STK33: variants seen among roughly 807,000 people sequenced by gnomAD.
The protein encoded by STK33 is serine/threonine-protein kinase 33.
Under a neutral mutation model 58.0 loss-of-function variants are expected in STK33, and 52 were observed. The observed-to-expected ratio is 0.90, with a 90% CI of 0.72 to 1.13. The LOEUF is 1.13. STK33 is among the 50% of genes most tolerant of loss of function. The pLI is 0.00. For synonymous variants in STK33, 215 were observed against 200.1 expected (o/e 1.07, Z -0.63); for missense variants, 630 against 604.2 (o/e 1.04, Z -0.45).
intron 1 of STK33, among the ~76,000 whole-genome samples, chr11:8,545,358 A>G (rs1449874233): frequency 6.6e-6 from 1 of 152,238 alleles, no homozygotes; most frequent in African/African-American, 2.4e-5. Context: ...TAGAAATGAC[A>G]GCACCATTTA....
At chr11:8,346,844 C>T in the STK33 span, among the ~76,000 whole-genome samples, 2 of 152,162 alleles carry the variant, frequency 1.3e-5, no homozygotes, top group South Asian at 2.1e-4. Context: ...CAGTAAGGTA[C>T]AGGAAGGCCC....
At chr11:8,487,562 A>G (rs943072891) in intron 1 of STK33, among the ~76,000 whole-genome samples, 1 of 152,146 alleles carries the variant, frequency 6.6e-6, no homozygotes, top group Non-Finnish European at 1.5e-5. Context: ...AAGAATTCTG[A>G]ATAACATTAA....
At chr11:8,345,262 C>A in the STK33 span, among the ~76,000 whole-genome samples, 1 of 152,222 alleles carries the variant, frequency 6.6e-6, no homozygotes, top group Non-Finnish European at 1.5e-5. Flanking sequence ...ATCTTAACAT[C>A]ACTTAGAAAG....
intron 14 of STK33, among the ~76,000 whole-genome samples, chr11:8,432,289 A>G (rs1306195419): frequency 6.6e-6 from 1 of 152,194 alleles, no homozygotes; most frequent in Non-Finnish European, 1.5e-5. Flanking sequence ...ATTTGTCACC[A>G]GGAGACTTGA....
chr11:8,448,359 A>G (rs2136735956), intron 11 of STK33, among the ~76,000 whole-genome samples: 1 of 152,326 alleles, frequency 6.6e-6, no homozygotes, highest in East Asian at 1.9e-4. Context: ...AGCTGGAGGC[A>G]TCACGCTACC....
intron 1 of STK33, among the ~76,000 whole-genome samples, chr11:8,563,391 G>A (rs1332904479): frequency 6.6e-6 from 1 of 152,160 alleles, no homozygotes; most frequent in Non-Finnish European, 1.5e-5. Context: ...ATGAGGAAGG[G>A]TGACTCTAAC....
intron 1 of STK33, among the ~76,000 whole-genome samples, chr11:8,528,459 C>T (rs534657409): frequency 1.3e-4 from 20 of 152,184 alleles, no homozygotes; most frequent in African/African-American, 4.6e-4. Context: ...GTAACTGCTG[C>T]TAATCCAAGC....
At chr11:8,529,747 C>T (rs1954365078) in intron 1 of STK33, among the ~76,000 whole-genome samples, 1 of 152,082 alleles carries the variant, frequency 6.6e-6, no homozygotes. Flanking sequence ...AGCCATGGAT[C>T]GCAGGTGGCT....
chr11:8,450,427 G>A (rs1200545819), intron 11 of STK33, among the ~76,000 whole-genome samples: 1 of 151,938 alleles, frequency 6.6e-6, no homozygotes, highest in Non-Finnish European at 1.5e-5. Flanking sequence ...GCTAGGGGAG[G>A]GATAGCATTA....
At chr11:8,358,693 C>G in the STK33 span, among the ~76,000 whole-genome samples, 2 of 152,022 alleles carry the variant, frequency 1.3e-5, no homozygotes, top group Admixed American at 6.6e-5. Flanking sequence ...AAATCTGGGG[C>G]AACGTGAACA....
In STK33 at chr11:8,392,347, A is replaced by T; in HGVS notation, c.*163T>A. The T allele has an allele frequency of 1.2e-6, 1 of 805,492 alleles. No homozygotes were observed. The allele number at this position is 805,492 out of a possible 1,614,324, so 49.9% of individuals were successfully genotyped here. On this transcript the variant is annotated 3_prime_UTR_variant, in exon 16 of 16. Transcript: ENST00000687296. ...ATGTGCAGCTTATGCTGCTTTGGAG[A>T]TAAGCAGCTTCAATTTTAAGCTGGT...
chr11:8,485,711 T>C (rs1422048015), intron 1 of STK33, among the ~76,000 whole-genome samples: 3 of 152,198 alleles, frequency 2.0e-5, no homozygotes, highest in African/African-American at 2.4e-5. Flanking sequence ...GACTCAGTCA[T>C]TGGCTGTATA....
chr11:8,422,821 T>C (rs1005270100), intron 14 of STK33, among the ~76,000 whole-genome samples: 9 of 151,894 alleles, frequency 5.9e-5, no homozygotes, highest in Admixed American at 4.6e-4. Context: ...AAGATTTTTT[T>C]TCTCTCTCTC....
At chr11:8,350,600 C>T in the STK33 span, among the ~76,000 whole-genome samples, 1 of 152,176 alleles carries the variant, frequency 6.6e-6, no homozygotes, top group Non-Finnish European at 1.5e-5. Flanking sequence ...CACTAGAAGG[C>T]TCTGAAAATG....
At chr11:8,437,579 T>C (rs1018899669) in intron 12 of STK33, among the ~76,000 whole-genome samples, 1 of 152,230 alleles carries the variant, frequency 6.6e-6, no homozygotes, top group African/African-American at 2.4e-5. Context: ...CCCAAACTGC[T>C]GGTCTACACT....
Position 8,466,086 on chromosome 11 carries a change from A to G in STK33, c.340-1264T>C, listed in dbSNP as rs557385663. ...AATCATCTCCCAGTGGTTCCCTCCC[A>G]TGACACATGGGAATTATGGGAGCTA... On this transcript the variant is annotated intron_variant, in intron 6 of 15. Transcript: ENST00000687296. 2.6e-5 allele frequency: 4 copies of G among 152,346 alleles called. No individual in the cohort carries two copies. In the South Asian group the frequency reaches 6.2e-4, roughly 24 times the overall value. The allele number at this position is 152,346 out of a possible 1,614,324, so 9.4% of individuals were successfully genotyped here.
intron 1 of STK33, among the ~76,000 whole-genome samples, chr11:8,546,833 A>G (rs1430128271): frequency 6.6e-6 from 1 of 152,182 alleles, no homozygotes; most frequent in Admixed American, 6.5e-5. Context: ...CCATTCATCC[A>G]CTGATGGGCA....
chr11:8,573,825 T>A (rs1957990642), intron 1 of STK33, among the ~76,000 whole-genome samples: 1 of 151,708 alleles, frequency 6.6e-6, no homozygotes, highest in Admixed American at 6.5e-5. Context: ...TCTCAAAAGG[T>A]TACATACTGT....
chr11:8,475,067 C>G lies in STK33; in HGVS notation c.-161-1G>C. 1 of 500,662 alleles carries G rather than the reference C, an allele frequency of 2.0e-6. No individual in the cohort carries two copies. Among genetic ancestry groups the G allele is most frequent in the Non-Finnish European group, 3.4e-6 (1 of 292,050 alleles). The allele number at this position is 500,662 out of a possible 1,614,324, so 31.0% of individuals were successfully genotyped here. On this transcript the variant is annotated splice_acceptor_variant, in intron 4 of 15. Transcript: ENST00000687296. LOFTEE classifies it low-confidence loss of function (5UTR_SPLICE). ...CTAGACACATATTCACACGTGAGAG[C>G]TGCAGAAAGAAAAGAAATAACCATT...
Sources: allele counts gnomAD v4.1 joint callset (sites outside exome capture counted in the v4.1 genomes callset), GRCh38; gene constraint gnomAD v4.1.1; transcripts MANE v1.5; gene names NCBI Gene and HGNC (gene_info 2026-07-23, HGNC 2026-07-21).